RALGPS2: variants seen among roughly 807,000 people sequenced by gnomAD.
RALGPS2 encodes the protein ras-specific guanine nucleotide-releasing factor RalGPS2.
RALGPS2 carries 43 observed loss-of-function variants against 86.8 expected under a neutral mutation model. The ratio of observed to expected loss-of-function variants is 0.50; its 90% confidence interval spans 0.39 to 0.64. The LOEUF (loss-of-function observed/expected upper bound fraction) is 0.64. Ranked by LOEUF, RALGPS2 falls within the 30% of genes least tolerant of loss-of-function variation. RALGPS2 has a pLI of 0.00. For synonymous variants in RALGPS2, 243 were observed against 231.3 expected (o/e 1.05, Z -0.46); for missense variants, 536 against 694.6 (o/e 0.77, Z 2.57).
intron 19 of RALGPS2, among the ~76,000 whole-genome samples, chr1:178,915,400 A>G (rs1315437952): frequency 2.0e-5 from 3 of 152,024 alleles, no homozygotes; most frequent in Non-Finnish European, 2.9e-5. Context: ...AGGCCCAGCT[A>G]ATTTTTGTAT....
At chr1:178,854,480 C>T (rs752651374) in intron 8 of RALGPS2, among the ~76,000 whole-genome samples, 12 of 152,146 alleles carry the variant, frequency 7.9e-5, no homozygotes, top group Admixed American at 7.9e-4. Flanking sequence ...TGCCCAAACT[C>T]ATAGAATCTT....
At chr1:178,758,690 T>C (rs1225625867) in intron 1 of RALGPS2, among the ~76,000 whole-genome samples, 1 of 152,194 alleles carries the variant, frequency 6.6e-6, no homozygotes, top group Non-Finnish European at 1.5e-5. Flanking sequence ...TCACTTAACA[T>C]GACCTCCAGT....
At chr1:178,811,190 A>G in intron 5 of RALGPS2, 125 bp from the exon 6 acceptor site, 2 of 589,076 alleles carry the variant, frequency 3.4e-6, no homozygotes, top group South Asian at 4.8e-5. Flanking sequence ...ACCTGCTATA[A>G]GTAGCACCTT....
At chr1:178,837,283 A>C (rs1656328503) in intron 8 of RALGPS2, among the ~76,000 whole-genome samples, 1 of 152,222 alleles carries the variant, frequency 6.6e-6, no homozygotes, top group Non-Finnish European at 1.5e-5. Context: ...TGATTCATTA[A>C]GTGAGAAAAA....
intron 4 of RALGPS2, among the ~76,000 whole-genome samples, chr1:178,794,981 A>C (rs1572339870): frequency 6.6e-6 from 1 of 152,138 alleles, no homozygotes; most frequent in Non-Finnish European, 1.5e-5. Context: ...GGAGTTCAAG[A>C]CCAGCCTGGC....
intron 8 of RALGPS2, among the ~76,000 whole-genome samples, chr1:178,855,738 C>G (rs948729482): frequency 1.3e-5 from 2 of 151,626 alleles, no homozygotes; most frequent in African/African-American, 4.8e-5. Flanking sequence ...AATTATTGTC[C>G]TTTCAGTTCC....
intron 8 of RALGPS2, chr1:178,865,054 C>A: frequency 6.6e-7 from 1 of 1,508,892 alleles, no homozygotes. Flanking sequence ...AACCTGGATC[C>A]CTCTGAATCT....
chr1:178,832,786 T>C (rs974250102), intron 7 of RALGPS2, among the ~76,000 whole-genome samples: 4 of 151,956 alleles, frequency 2.6e-5, no homozygotes, highest in Admixed American at 6.5e-5. Context: ...TTTGCTTTTT[T>C]TTTTTTCAAC....
chr1:178,725,279 G>GGCGGCTGCT lies in RALGPS2; in HGVS notation c.-219_-211dup, dbSNP rs1649899082. 2.3e-5 allele frequency: 4 copies of GGCGGCTGCT among 176,330 alleles called. No individual in the cohort carries two copies. The highest frequency in any genetic ancestry group is 4.6e-5 in the Non-Finnish European group (4 of 86,450). 10.9% of individuals were successfully genotyped at this position (176,330 alleles called of 1,614,324 possible). A position where few individuals can be genotyped will look rare whatever the true frequency, so the allele number is the denominator to read the frequency against. On this transcript the variant is annotated 5_prime_UTR_variant, in exon 1 of 20. Transcript: ENST00000367635. ...CCCGAGCGGCAGCGGCGGCGGCGGCGGCGGCTGCTGCGGGCGCTGAATGAG... is the reference window on the plus strand; with the variant it reads ...CCCGAGCGGCAGCGGCGGCGGCGGCGGCGGCTGCTGCGGCTGCTGCGGGCGCTGAATGAG...
At chr1:178,747,624 A>C in intron 1 of RALGPS2, 2 of 1,568,232 alleles carry the variant, frequency 1.3e-6, no homozygotes, top group Non-Finnish European at 1.8e-6. Flanking sequence ...CTTCTATGTC[A>C]ACTAAGCTGG....
intron 19 of RALGPS2, among the ~76,000 whole-genome samples, chr1:178,910,708 G>A (rs956345287): frequency 2.6e-5 from 4 of 152,098 alleles, no homozygotes; most frequent in Non-Finnish European, 5.9e-5. Context: ...CAGGTATATT[G>A]ACCTGTAGTT....
At chr1:178,893,889 T>C (rs764668089) in intron 15 of RALGPS2, 30 bp from the exon 16 acceptor site, 1 of 1,406,672 alleles carries the variant, frequency 7.1e-7, no homozygotes, top group South Asian at 1.2e-5. Context: ...AGACAAAAGC[T>C]CTTATGTGTT....
At chr1:178,811,282 A>T in intron 5 of RALGPS2, 33 bp from the exon 6 acceptor site, 1 of 1,453,990 alleles carries the variant, frequency 6.9e-7, no homozygotes, top group Non-Finnish European at 9.3e-7. Flanking sequence ...ATTAAAAATC[A>T]TAGTGATATT....
chr1:178,774,987 A>G (rs1653003986), intron 1 of RALGPS2, among the ~76,000 whole-genome samples: 2 of 152,216 alleles, frequency 1.3e-5, no homozygotes, highest in Admixed American at 6.5e-5. Context: ...AATGCCCAGC[A>G]ACAATTGCTT....
At chr1:178,804,632 A>T in intron 4 of RALGPS2, among the ~76,000 whole-genome samples, 2 of 82,166 alleles carry the variant, frequency 2.4e-5, no homozygotes, top group Admixed American at 1.6e-4. Context: ...GCTGCATAGT[A>T]TTCCATGGTG....
Position 178,918,164 on chromosome 1 carries a change from A to G in RALGPS2, c.*1805A>G, listed in dbSNP as rs1462446953. 2.6e-5 allele frequency: 4 copies of G among 152,142 alleles called. No homozygotes were observed. Among genetic ancestry groups the G allele is most frequent in the African/African-American group, 9.7e-5 (4 of 41,444 alleles). The allele number at this position is 152,142 out of a possible 1,614,324, so 9.4% of individuals were successfully genotyped here. On this transcript the variant is annotated 3_prime_UTR_variant, in exon 20 of 20. Coordinates refer to ENST00000367635, the MANE Select transcript of RALGPS2 (RefSeq NM_152663.5). The stretch of plus-strand genomic sequence containing the variant: ...TGGGGTTTAGTGACACAGGCTGGAG[A>G]GGACAAAAGTTTCCTGTCCTGAATG...
intron 7 of RALGPS2, among the ~76,000 whole-genome samples, chr1:178,822,079 C>G (rs1456131409): frequency 1.3e-5 from 2 of 151,918 alleles, no homozygotes; most frequent in African/African-American, 4.8e-5. Context: ...TCATAGGTTT[C>G]AAAAAAATTT....
At chr1:178,857,747 GTTTACA>G (rs1657686791) in intron 8 of RALGPS2, among the ~76,000 whole-genome samples, 1 of 152,116 alleles carries the variant, frequency 6.6e-6, no homozygotes, top group African/African-American at 2.4e-5. Flanking sequence ...AGTTTTGACA[GTTTACA>G]TTTAAGTATA....
intron 8 of RALGPS2, chr1:178,865,447 T>G (rs1362501169): frequency 2.5e-6 from 4 of 1,613,934 alleles, no homozygotes; most frequent in East Asian, 2.2e-5. Context: ...TCACAATGTT[T>G]CCATCTACAT....
Sources: allele counts gnomAD v4.1 joint callset (sites outside exome capture counted in the v4.1 genomes callset), GRCh38; gene constraint gnomAD v4.1.1; transcripts MANE v1.5; gene names NCBI Gene and HGNC (gene_info 2026-07-23, HGNC 2026-07-21).